Variants in CEP170B observed in about 807,000 individuals in gnomAD.
CEP170B encodes centrosomal protein 170B.
A neutral mutation model predicts 120.6 loss-of-function variants in CEP170B; 55 were observed. That is an observed-to-expected ratio of 0.46 (90% CI 0.37 to 0.57). CEP170B has a LOEUF of 0.57. Among genes scored for constraint, CEP170B ranks in the 20% least tolerant of loss-of-function variants. The pLI, the probability that CEP170B is intolerant of heterozygous loss-of-function variation, is 0.00. For missense variants in CEP170B, 2,212 were observed against 2,253.3 expected (o/e 0.98, Z 0.37); for synonymous variants, 1,033 against 954.5 (o/e 1.08, Z -1.52).
chr14:104,876,474 T>G, intron 3 of CEP170B, 129 bp downstream of exon 3: 1 of 798,174 alleles, frequency 1.3e-6, no homozygotes, highest in South Asian at 1.6e-5. Context: ...CCCTCTCAGT[T>G]CTGCCTCCTC....
chr14:104,874,694 AGTCCTCCACTGCAGTCCTCCCCCTG>A (rs1284186874), intron 2 of CEP170B, among the ~76,000 whole-genome samples: 29 of 130,504 alleles, frequency 2.2e-4, no homozygotes, highest in African/African-American at 8.0e-4. Context: ...TCCTCCCCTC[AGTCCTCCACTGCAGTCCTCCCCCTG>A]GTCCTCCACT....
At chr14:104,881,676 G>A (rs4983391) in intron 6 of CEP170B, among the ~76,000 whole-genome samples, 64,462 of 151,808 alleles carry the variant, frequency 0.42, 16,509 homozygotes, top group Middle Eastern at 0.66. Flanking sequence ...CCTTGGCTCC[G>A]TTAGAGCGAG....
Position 104,884,186 on chromosome 14 carries a change from G to A in CEP170B, c.1407G>A (p.Arg469=), listed in dbSNP as rs761506010. ...CACAGAGGGCCGGCTCGCTCAAGCG[G>A]GAGAAGACAGAGGAACGGCTGGGCA... ...SGPQRAGSLK[R]EKTEERLGSP... is the part of the protein sequence containing the mutation. The change falls in exon 9 of 19, where the codon CGG becomes CGA. Residue 469 remains arginine (R), a synonymous_variant. Coordinates refer to ENST00000414716, the MANE Select transcript of CEP170B (RefSeq NM_001112726.3). 6.5e-7 allele frequency: 1 copy of A among 1,546,520 alleles called. No homozygotes were observed. The highest frequency in any genetic ancestry group is 8.7e-7 in the Non-Finnish European group (1 of 1,148,240).
intron 3 of CEP170B, 25 bp downstream of exon 3, chr14:104,876,370 G>T (rs1274597307): frequency 6.5e-7 from 1 of 1,548,256 alleles, no homozygotes; most frequent in Non-Finnish European, 8.7e-7. Context: ...CCCTGGCCTG[G>T]CCTTTTAACA....
At chr14:104,872,440 TGTGTGCCATGTGTGTGCGTGTGG>T (rs1895609018) in intron 2 of CEP170B, among the ~76,000 whole-genome samples, 2 of 116,550 alleles carry the variant, frequency 1.7e-5, no homozygotes, top group South Asian at 2.8e-4. Context: ...TGTGTGCGTG[TGTGTGCCATGTGTGTGCGTGTGG>T]GTGTGCCGTG....
chr14:104,877,037 A>G (rs2140658158), intron 3 of CEP170B, among the ~76,000 whole-genome samples: 1 of 150,136 alleles, frequency 6.7e-6, no homozygotes, highest in African/African-American at 2.5e-5. Flanking sequence ...CGCTTGGCGG[A>G]CTCCAGCTTG....
chr14:104,883,863 T>G lies in CEP170B; in HGVS notation c.1084T>G (p.Ser362Ala). The change falls in exon 9 of 19, where the codon TCA becomes GCA. Residue 362 changes from serine to alanine, a missense_variant. This residue lies in a region of CEP170B where 2,166 missense variants were observed against 2,166.7 expected (regional missense o/e 1.00). Coordinates refer to ENST00000414716, the MANE Select transcript of CEP170B (RefSeq NM_001112726.3). Reference sequence around the variant, plus strand: ...GCACGAGGACGGCACGCAGAGTGACTCAGAGGACCCCCTGGCCAAGGCGGC... The same window carrying G: ...GCACGAGGACGGCACGCAGAGTGACGCAGAGGACCCCCTGGCCAAGGCGGC... Reference protein sequence around the residue: ...HKHEDGTQSDSEDPLAKAASA... With the variant: ...HKHEDGTQSDAEDPLAKAASA... 6.4e-7 allele frequency: 1 copy of G among 1,571,662 alleles called. No individual in the cohort carries two copies. Among genetic ancestry groups the G allele is most frequent in the Non-Finnish European group, 8.6e-7 (1 of 1,159,336 alleles).
At chr14:104,890,611 TG>T (rs1896790336) in intron 13 of CEP170B, among the ~76,000 whole-genome samples, 1 of 133,944 alleles carries the variant, frequency 7.5e-6, no homozygotes, top group Non-Finnish European at 1.6e-5. Flanking sequence ...GGTGGATGGA[TG>T]GAAGGATGGA....
chr14:104,866,799 C>T (rs752204658), intron 1 of CEP170B, among the ~76,000 whole-genome samples: 27 of 152,260 alleles, frequency 1.8e-4, no homozygotes, highest in Admixed American at 1.3e-4. Context: ...AAAGTAGGGA[C>T]AAGGAGCCAC....
intron 5 of CEP170B, among the ~76,000 whole-genome samples, chr14:104,879,441 G>A (rs1274880963): frequency 6.6e-6 from 1 of 152,156 alleles, no homozygotes; most frequent in Non-Finnish European, 1.5e-5. Context: ...TTCTTAGGGT[G>A]AGGGGATCTG....
chr14:104,882,190 C>A (rs1361257903), intron 6 of CEP170B, among the ~76,000 whole-genome samples: 1 of 152,058 alleles, frequency 6.6e-6, no homozygotes, highest in Non-Finnish European at 1.5e-5. Flanking sequence ...CCCTCCTGGT[C>A]ATTAAGGCAA....
intron 13 of CEP170B, among the ~76,000 whole-genome samples, chr14:104,890,749 ATGAG>A (rs1197918945): frequency 2.0e-5 from 2 of 98,792 alleles, no homozygotes; most frequent in African/African-American, 3.9e-5. Context: ...GGATGAATGG[ATGAG>A]TGAGTGGGTG....
intron 10 of CEP170B, 143 bp from the exon 11 acceptor site, chr14:104,885,896 CG>C (rs1488432557): frequency 1.3e-6 from 1 of 765,130 alleles, no homozygotes; most frequent in African/African-American, 1.8e-5. Context: ...TGCAGGGGCA[CG>C]CTTGCTCATG....
At chr14:104,876,075 G>A (rs779553007) in intron 2 of CEP170B, among the ~76,000 whole-genome samples, 181 bp from the exon 3 acceptor site, 13 of 152,148 alleles carry the variant, frequency 8.5e-5, no homozygotes, top group African/African-American at 2.2e-4. Flanking sequence ...GGTGGGGGAC[G>A]TGGCCCTGGC....
intron 6 of CEP170B, among the ~76,000 whole-genome samples, chr14:104,881,873 G>A (rs1595336025): frequency 1.3e-5 from 2 of 152,134 alleles, no homozygotes; most frequent in East Asian, 3.9e-4. Flanking sequence ...TGTGCACATG[G>A]TTCCCTATGG....
rs5811158 is a variant in CEP170B at position 104,896,293 on chromosome 14, G to GC, written c.*1337dup. ...GGGTGTACGGGTTCTGTTCCTCTGAGCCTGCGGCCCACCTGATGTTTACGT... is the reference window on the plus strand; with the variant it reads ...GGGTGTACGGGTTCTGTTCCTCTGAGCCCTGCGGCCCACCTGATGTTTACGT... On this transcript the variant is annotated 3_prime_UTR_variant, in exon 19 of 19. Transcript: ENST00000414716. 1 allele frequency: 309,285 copies of GC among 309,298 alleles called. 154,637 individuals are homozygous for GC. The highest frequency in any genetic ancestry group is 1 in the Middle Eastern group (820 of 820). The allele number at this position is 309,298 out of a possible 1,614,324, so 19.2% of individuals were successfully genotyped here.
Position 104,893,499 on chromosome 14 carries a change from C to T in CEP170B, c.4039-24C>T, listed in dbSNP as rs200306836. ...GGCAGGAGCCTCTGCCTGGGGCCCA[C>T]GGTGCCGGCCCTCCCTCTTGCAGCT... On this transcript the variant is annotated intron_variant, in intron 14 of 18. Coordinates refer to ENST00000414716, the MANE Select transcript of CEP170B (RefSeq NM_001112726.3). 3.6e-4 allele frequency: 568 copies of T among 1,592,328 alleles called. No homozygotes were observed. In the African/African-American group the frequency reaches 5.4e-3, roughly 15 times the overall value.
chr14:104,866,041 T>C (rs1404998850), intron 1 of CEP170B, among the ~76,000 whole-genome samples: 3 of 152,166 alleles, frequency 2.0e-5, no homozygotes. Flanking sequence ...CTAGCCACCT[T>C]TCCCCGCCTC....
chr14:104,893,787 C>T lies in CEP170B; in HGVS notation c.4209C>T (p.Asn1403=), dbSNP rs1178220468. The change falls in exon 16 of 19, where the codon AAC becomes AAT. Residue 1403 remains asparagine, a synonymous_variant. Transcript: ENST00000414716. ...EEVIFDNLML[N]PVSQLSQAIR... ...TGATCTTCGATAACCTGATGCTGAA[C>T]CCGGTGTCCCAGCTGTCGCAGGCCA... 2 of 1,611,950 alleles carry T rather than the reference C, an allele frequency of 1.2e-6. No individual in the cohort carries two copies. Among genetic ancestry groups the T allele is most frequent in the Non-Finnish European group, 1.7e-6 (2 of 1,179,526 alleles).
Sources: allele counts gnomAD v4.1 joint callset (sites outside exome capture counted in the v4.1 genomes callset), GRCh38; gene constraint gnomAD v4.1.1; regional missense constraint gnomAD v4.1.1; transcripts MANE v1.5; gene names NCBI Gene and HGNC (gene_info 2026-07-23, HGNC 2026-07-21).